DLGAP4: variants seen among roughly 807,000 people sequenced by gnomAD.
DLGAP4 encodes the protein DLG associated protein 4, also known as disks large-associated protein 4.
Under a neutral mutation model 86.9 loss-of-function variants are expected in DLGAP4, and 18 were observed. The ratio of observed to expected loss-of-function variants is 0.21; its 90% CI spans 0.14 to 0.31. The LOEUF (loss-of-function observed/expected upper bound fraction) is 0.31, where lower values mean the gene tolerates loss of function less well. DLGAP4 is among the 10% of genes least tolerant of loss of function. The pLI is 1.00. For missense variants in DLGAP4, 1,085 were observed against 1,362.6 expected (o/e 0.80, Z 3.21); for synonymous variants, 548 against 574.3 (o/e 0.95, Z 0.65).
At chr20:36,502,575 C>T (rs1569521421) in intron 10 of DLGAP4, among the ~76,000 whole-genome samples, 2 of 151,988 alleles carry the variant, frequency 1.3e-5, no homozygotes, top group South Asian at 2.1e-4. Context: ...TGGTCTCAAA[C>T]TCCTGGGCTC....
intron 7 of DLGAP4, 150 bp downstream of exon 7, chr20:36,447,087 C>T: frequency 1.4e-6 from 2 of 1,424,298 alleles, no homozygotes; most frequent in Non-Finnish European, 1.8e-6. Flanking sequence ...AGCAGGAGGC[C>T]TTGGAGCTGA....
intron 10 of DLGAP4, among the ~76,000 whole-genome samples, chr20:36,511,982 G>A (rs966829671): frequency 6.6e-6 from 1 of 151,424 alleles, no homozygotes; most frequent in African/African-American, 2.4e-5. Flanking sequence ...ATCCAACATG[G>A]TTCTCTTGGA....
At chr20:36,467,063 T>TCTCTCTCTCTCTC (rs1569509700) in intron 7 of DLGAP4, among the ~76,000 whole-genome samples, 1 of 39,346 alleles carries the variant, frequency 2.5e-5, no homozygotes, top group African/African-American at 1.2e-4. Flanking sequence ...TCTCTCTCTC[T>TCTCTCTCTCTCTC]CCCCCCCCCT....
At chr20:36,377,255 C>G (rs2031192584) in intron 2 of DLGAP4, among the ~76,000 whole-genome samples, 1 of 152,172 alleles carries the variant, frequency 6.6e-6, no homozygotes, top group South Asian at 2.1e-4. Flanking sequence ...TGAGAGTATT[C>G]AAGCAGCAGC....
rs1011649612 is a variant in DLGAP4 at position 36,496,757 on chromosome 20, C to T, written c.1701C>T (p.Arg567=). 6.2e-7 allele frequency: 1 copy of T among 1,613,236 alleles called. No individual in the cohort carries two copies. Among genetic ancestry groups the T allele is most frequent in the Non-Finnish European group, 8.5e-7 (1 of 1,179,326 alleles). ...AGACCCCGCCACCGGTCCCTCCACG[C>T]ACCACTTCAAAGCCGTTCATCTCAG... is the stretch of plus-strand genomic sequence containing the variant. ...YKKTPPPVPP[R]TTSKPFISVT... is the part of the protein sequence containing the mutation. Residue 567 remains arginine (R), a synonymous_variant, in exon 8 of 13, where the codon CGC becomes CGT. Transcript: ENST00000339266.
rs181391251 is a variant in DLGAP4 at position 36,341,629 on chromosome 20, G to A, written c.-303-25416G>A. On this transcript the variant is annotated intron_variant, in intron 1 of 12. Transcript: ENST00000339266. The stretch of plus-strand genomic sequence containing the variant: ...TTGCTGAAGGGCACGCGGCTCCCGC[G>A]GGGAGGAGTTGGTGTCTGATCTCCC... Among the ~76,000 whole-genome samples the A allele has an allele frequency of 3.7e-3, 564 of 152,356 alleles. 3 individuals are homozygous for A. The highest frequency in any genetic ancestry group is 0.013 in the African/African-American group (532 of 41,588).
rs139361351 is a variant in DLGAP4, at chr20:36,386,515, C to T, written c.-73+19240C>T. Among the ~76,000 whole-genome samples the T allele has an allele frequency of 7.0e-4, 106 of 152,146 alleles. No individual in the cohort carries two copies. In the East Asian group the frequency reaches 0.015, roughly 22 times the overall value. On this transcript the variant is annotated intron_variant, in intron 2 of 12. Transcript: ENST00000339266. The stretch of plus-strand genomic sequence containing the variant: ...GAGGGAGGAAAGAAAGAAGGAAATA[C>T]TAAAAGGCATTCCATGTAGAGGGAA...
chr20:36,436,242 G>A lies in DLGAP4; in HGVS notation c.1133G>A (p.Ser378Asn). The change falls in exon 4 of 13, where the codon AGC (serine) becomes AAC (asparagine). Residue 378 changes from serine to asparagine, a missense_variant. Physicochemically the swap from Ser to Asn is conservative, Grantham distance 46. Coordinates refer to ENST00000339266, the MANE Select transcript of DLGAP4 (RefSeq NM_001365621.2). ...ATCAAGGCCATGGGCGACGAGGACA[G>A]CGACGAGTCCGGCGGCAGCCCCAAG... ...SYIKAMGDED[S>N]DESGGSPKPS... 6.2e-7 allele frequency: 1 copy of A among 1,605,824 alleles called. No individual in the cohort carries two copies.
At chr20:36,483,003 C>G (rs1221450534) in intron 7 of DLGAP4, among the ~76,000 whole-genome samples, 1 of 152,138 alleles carries the variant, frequency 6.6e-6, no homozygotes, top group Admixed American at 6.6e-5. Flanking sequence ...ACAACAAGAT[C>G]GTGATTTAGT....
chr20:36,400,142 C>T (rs949507312), intron 2 of DLGAP4, among the ~76,000 whole-genome samples: 1 of 152,162 alleles, frequency 6.6e-6, no homozygotes, highest in Non-Finnish European at 1.5e-5. Context: ...CTTGAAGTAC[C>T]TTTTTACCCA....
At chr20:36,483,292 A>G (rs746785220) in intron 7 of DLGAP4, among the ~76,000 whole-genome samples, 2 of 152,136 alleles carry the variant, frequency 1.3e-5, no homozygotes, top group Non-Finnish European at 2.9e-5. Flanking sequence ...TGGACATACT[A>G]TTTGGAGGTC....
intron 3 of DLGAP4, 34 bp from the exon 4 acceptor site, chr20:36,436,072 TGCG>T (rs2033266350): frequency 6.6e-7 from 1 of 1,512,860 alleles, no homozygotes; most frequent in Non-Finnish European, 8.8e-7. Flanking sequence ...GCTCATTTTC[TGCG>T]GTGGCCCCAC....
At position 36,462,671 on chromosome 20, in the gene DLGAP4, T is replaced by C. The variant is rs1479219682; in HGVS notation, c.1648+15734T>C. 45 of 1,536,416 alleles carry C rather than the reference T, an allele frequency of 2.9e-5. No homozygotes were observed. In the East Asian group the frequency reaches 1.2e-3, roughly 40 times the overall value. Reference sequence around the variant, plus strand: ...GGCCGCGGCCGAGGCTCCATGGGGTTGGCGCTGGGGCAAGGGCTGGCGCTA... The same window carrying C: ...GGCCGCGGCCGAGGCTCCATGGGGTCGGCGCTGGGGCAAGGGCTGGCGCTA... On this transcript the variant is annotated intron_variant, in intron 7 of 12. Coordinates refer to ENST00000339266, the MANE Select transcript of DLGAP4 (RefSeq NM_001365621.2).
chr20:36,340,556 G>A (rs1490576283), intron 1 of DLGAP4, among the ~76,000 whole-genome samples: 1 of 152,212 alleles, frequency 6.6e-6, no homozygotes, highest in Non-Finnish European at 1.5e-5. Flanking sequence ...CAGGTCGGGG[G>A]TCTCTGCTGG....
At chr20:36,485,751 G>T (rs187287909) in intron 7 of DLGAP4, among the ~76,000 whole-genome samples, 1 of 152,216 alleles carries the variant, frequency 6.6e-6, no homozygotes, top group African/African-American at 2.4e-5. Context: ...GGATAAAGTA[G>T]CACCTGGCCC....
intron 10 of DLGAP4, among the ~76,000 whole-genome samples, chr20:36,518,312 T>C (rs1325567949): frequency 6.6e-6 from 1 of 152,194 alleles, no homozygotes; most frequent in African/African-American, 2.4e-5. Flanking sequence ...TATCACATTA[T>C]CCTTTACTCA....
At chr20:36,371,029 GGAC>G (rs2030910584) in intron 2 of DLGAP4, among the ~76,000 whole-genome samples, 3 of 152,138 alleles carry the variant, frequency 2.0e-5, no homozygotes, top group African/African-American at 7.2e-5. Context: ...ACAAATGAGA[GGAC>G]TGAGACCTAA....
In DLGAP4 at chr20:36,323,567, A is replaced by G. The variant is rs548662902; in HGVS notation, c.-304+17055A>G. 2.6e-5 allele frequency among the ~76,000 whole-genome samples: 4 copies of G among 152,290 alleles called. No homozygotes were observed. The South Asian group carries it at 8.3e-4, about 32-fold the overall frequency. On this transcript the variant is annotated intron_variant, in intron 1 of 12. Coordinates refer to ENST00000339266, the MANE Select transcript of DLGAP4 (RefSeq NM_001365621.2). ...GGATAGTGCTGCTTTGAGCTTTCTC[A>G]TAGAAGTCTTTTGGGAAACTTTTGC...
intron 7 of DLGAP4, among the ~76,000 whole-genome samples, chr20:36,467,981 G>T (rs2034492542): frequency 6.6e-6 from 1 of 152,214 alleles, no homozygotes; most frequent in African/African-American, 2.4e-5. Flanking sequence ...CTGCTTCTTG[G>T]AAAGGGAACT....
Sources: gnomAD v4.1 joint callset for allele counts (sites outside exome capture counted in the v4.1 genomes callset) on GRCh38, gnomAD v4.1.1 for gene constraint, MANE v1.5 for transcripts, NCBI Gene and HGNC (gene_info 2026-07-23, HGNC 2026-07-21) for gene names.